CAST: variants seen among roughly 807,000 people sequenced by gnomAD.
CAST encodes the protein calpastatin.
In CAST, 76 loss-of-function variants were observed where a neutral mutation model predicts 119.6. The ratio of observed to expected loss-of-function variants is 0.64; its 90% confidence interval spans 0.53 to 0.77. The LOEUF (loss-of-function observed/expected upper bound fraction) is 0.77, where lower values mean the gene tolerates loss of function less well. Among genes scored for constraint, CAST ranks in the 30% least tolerant of loss-of-function variants. The pLI is 0.00. For missense variants in CAST, 953 were observed against 946.5 expected (o/e 1.01, Z -0.09); for synonymous variants, 319 against 331.6 (o/e 0.96, Z 0.41).
At chr5:96,130,652 A>G in the CAST span, among the ~76,000 whole-genome samples, 1 of 152,108 alleles carries the variant, frequency 6.6e-6, no homozygotes, top group East Asian at 1.9e-4. Flanking sequence ...TTGCACATAA[A>G]AGATTACTAA....
At chr5:96,084,575 T>C in the CAST span, among the ~76,000 whole-genome samples, 1 of 152,356 alleles carries the variant, frequency 6.6e-6, no homozygotes, top group South Asian at 2.1e-4. Flanking sequence ...AATCCACTTC[T>C]GGCTAATTGG....
the CAST span, among the ~76,000 whole-genome samples, chr5:96,003,818 T>A: frequency 2.0e-5 from 3 of 152,208 alleles, no homozygotes; most frequent in Admixed American, 1.3e-4. Context: ...ACATTTCCCT[T>A]GTATAGAACA....
the CAST span, among the ~76,000 whole-genome samples, chr5:96,297,904 T>C: frequency 6.6e-6 from 1 of 152,170 alleles, no homozygotes; most frequent in Non-Finnish European, 1.5e-5. Context: ...AAGTTAGAAA[T>C]GACTAGAGTT....
intron 1 of CAST, among the ~76,000 whole-genome samples, chr5:96,603,314 G>A (rs1580842022): frequency 6.6e-6 from 1 of 152,134 alleles, no homozygotes; most frequent in Admixed American, 6.5e-5. Context: ...AGCTTAAAAA[G>A]CAAATGCATC....
At chr5:96,688,876 G>T (rs995987227) in intron 2 of CAST, among the ~76,000 whole-genome samples, 6 of 152,150 alleles carry the variant, frequency 3.9e-5, no homozygotes, top group Admixed American at 6.5e-5. Context: ...GCATGTATCT[G>T]CTTAGACCTT....
chr5:96,086,250 C>T, the CAST span, among the ~76,000 whole-genome samples: 34 of 152,184 alleles, frequency 2.2e-4, no homozygotes, highest in South Asian at 6.4e-3. Flanking sequence ...ATCCCAGGAT[C>T]AGAACCTGCA....
At chr5:96,230,328 T>A in the CAST span, among the ~76,000 whole-genome samples, 2 of 152,196 alleles carry the variant, frequency 1.3e-5, no homozygotes, top group Non-Finnish European at 2.9e-5. Context: ...AGGTCCACTG[T>A]CTTCATTGGC....
intron 1 of CAST, among the ~76,000 whole-genome samples, chr5:96,596,560 T>G (rs983537584): frequency 1.3e-5 from 2 of 152,064 alleles, no homozygotes; most frequent in South Asian, 2.1e-4. Flanking sequence ...AAACCAGCAA[T>G]AGGAAACATG....
chr5:96,059,095 C>A, the CAST span, among the ~76,000 whole-genome samples: 1 of 152,032 alleles, frequency 6.6e-6, no homozygotes, highest in Non-Finnish European at 1.5e-5. Context: ...GAGATGAGAA[C>A]CCCACCCCTT....
At chr5:96,719,035 G>A (rs1411138791) in intron 3 of CAST, among the ~76,000 whole-genome samples, 3 of 152,172 alleles carry the variant, frequency 2.0e-5, no homozygotes, top group Admixed American at 6.5e-5. Flanking sequence ...CCAGGAGGAC[G>A]TGAAGGGATT....
chr5:96,270,703 T>A, the CAST span, among the ~76,000 whole-genome samples: 1 of 151,838 alleles, frequency 6.6e-6, no homozygotes, highest in African/African-American at 2.4e-5. Context: ...CTGGGGCCTA[T>A]CCGAGGGGGT....
At chr5:96,483,124 A>G in the CAST span, among the ~76,000 whole-genome samples, 7 of 152,244 alleles carry the variant, frequency 4.6e-5, no homozygotes, top group Non-Finnish European at 8.8e-5. Flanking sequence ...AACAACACTA[A>G]AGAAAATATG....
the CAST span, among the ~76,000 whole-genome samples, chr5:96,116,107 C>T: frequency 1.3e-5 from 2 of 152,088 alleles, no homozygotes; most frequent in Non-Finnish European, 2.9e-5. Flanking sequence ...TTTATCCGTT[C>T]TCCTGACCTC....
chr5:96,108,814 TC>T, the CAST span, among the ~76,000 whole-genome samples: 1 of 152,172 alleles, frequency 6.6e-6, no homozygotes, highest in African/African-American at 2.4e-5. Flanking sequence ...CAGGCGCCCC[TC>T]CCCCAGCCTT....
At chr5:96,222,479 A>G in the CAST span, among the ~76,000 whole-genome samples, 1 of 152,196 alleles carries the variant, frequency 6.6e-6, no homozygotes, top group Non-Finnish European at 1.5e-5. Flanking sequence ...TCAAAAGAAG[A>G]CATACAAATG....
the CAST span, among the ~76,000 whole-genome samples, chr5:96,302,421 T>G: frequency 9.8e-5 from 15 of 152,342 alleles, no homozygotes; most frequent in African/African-American, 3.6e-4. Context: ...TGCAAATTTC[T>G]GCAGCATTCC....
the CAST span, chr5:96,432,989 A>C: frequency 1.9e-6 from 3 of 1,614,210 alleles, no homozygotes; most frequent in Non-Finnish European, 1.7e-6. Context: ...GTGCACACCA[A>C]GCGCAAAAGA....
the CAST span, among the ~76,000 whole-genome samples, chr5:96,108,676 T>C: frequency 3.9e-5 from 6 of 152,246 alleles, no homozygotes; most frequent in Non-Finnish European, 8.8e-5. Flanking sequence ...GCTGTCTTTT[T>C]GTTTGTCTGT....
intron 4 of CAST, among the ~76,000 whole-genome samples, chr5:96,723,398 A>G (rs1161429708): frequency 1.3e-5 from 2 of 152,202 alleles, no homozygotes; most frequent in Admixed American, 6.5e-5. Context: ...TACTATTCTG[A>G]GCACTTAAAA....
Sources: allele counts gnomAD v4.1 joint callset (sites outside exome capture counted in the v4.1 genomes callset), GRCh38; gene constraint gnomAD v4.1.1; transcripts MANE v1.5; gene names NCBI Gene and HGNC (gene_info 2026-07-23, HGNC 2026-07-21).